Variants in ERBB4 observed in about 807,000 individuals in gnomAD.
ERBB4 encodes erb-b2 receptor tyrosine kinase 4.
ERBB4 carries 42 observed loss-of-function variants against 158.0 expected under a neutral mutation model. That is an observed-to-expected ratio of 0.27 (90% confidence interval 0.21 to 0.34). The LOEUF is 0.34. Among genes scored for constraint, ERBB4 ranks in the 10% least tolerant of loss-of-function variants. The pLI, the probability that ERBB4 is intolerant of heterozygous loss-of-function variation, is 1.00. For missense variants in ERBB4, 1,333 were observed against 1,624.1 expected (o/e 0.82, Z 3.08); for synonymous variants, 583 against 558.7 (o/e 1.04, Z -0.61).
chr2:212,045,127 C>T (rs1217174559), intron 2 of ERBB4, among the ~76,000 whole-genome samples: 1 of 152,150 alleles, frequency 6.6e-6, no homozygotes, highest in Non-Finnish European at 1.5e-5. Context: ...ACCTTTGGGA[C>T]TTGGATTCCC....
At chr2:211,922,261 T>C (rs577484870) in intron 3 of ERBB4, among the ~76,000 whole-genome samples, 1 of 152,216 alleles carries the variant, frequency 6.6e-6, no homozygotes, top group African/African-American at 2.4e-5. Context: ...AGTTACATTA[T>C]AAATGTAAGG....
intron 4 of ERBB4, among the ~76,000 whole-genome samples, chr2:211,764,590 G>T (rs1345107560): frequency 6.6e-6 from 1 of 152,176 alleles, no homozygotes; most frequent in Non-Finnish European, 1.5e-5. Context: ...TGAGGCCAGA[G>T]AAATTTAATA....
chr2:211,578,483 TC>T, intron 19 of ERBB4, among the ~76,000 whole-genome samples: 1 of 151,566 alleles, frequency 6.6e-6, no homozygotes, highest in South Asian at 2.1e-4. Flanking sequence ...CAAAAAAGAG[TC>T]CACATAGCCA....
chr2:212,270,547 T>C (rs929546077), intron 1 of ERBB4, among the ~76,000 whole-genome samples: 2 of 151,796 alleles, frequency 1.3e-5, no homozygotes, highest in Non-Finnish European at 2.9e-5. Context: ...GGAGTCAATA[T>C]TTGAATCTGG....
At chr2:212,198,733 C>CTTTTTTTTTT (rs11448093) in intron 1 of ERBB4, among the ~76,000 whole-genome samples, 22 of 96,406 alleles carry the variant, frequency 2.3e-4, no homozygotes, top group African/African-American at 4.2e-4. Context: ...TCACCACGCC[C>CTTTTTTTTTT]TTTTTTTTTT....
Position 211,467,718 on chromosome 2 carries a change from A to G in ERBB4, c.2488-36618T>C, listed in dbSNP as rs540816948. 8.5e-5 allele frequency among the ~76,000 whole-genome samples: 13 copies of G among 152,302 alleles called. No homozygotes were observed. In the South Asian group the frequency reaches 2.7e-3, roughly 32 times the overall value. On this transcript the variant is annotated intron_variant, in intron 20 of 27. Coordinates refer to ENST00000342788, the MANE Select transcript of ERBB4 (RefSeq NM_005235.3). Reference sequence around the variant, plus strand: ...TTTCTTAGTTTAAGTGACAAACAACAGCAGAGTAAGGCTAGGCCATATGGG... The same window carrying G: ...TTTCTTAGTTTAAGTGACAAACAACGGCAGAGTAAGGCTAGGCCATATGGG...
intron 3 of ERBB4, among the ~76,000 whole-genome samples, chr2:211,814,678 C>T (rs1038298462): frequency 6.6e-6 from 1 of 152,018 alleles, no homozygotes; most frequent in African/African-American, 2.4e-5. Context: ...GTCCTTTGGT[C>T]CTTCTTGAAG....
intron 1 of ERBB4, among the ~76,000 whole-genome samples, chr2:212,159,429 T>G (rs2081139630): frequency 6.6e-6 from 1 of 152,010 alleles, no homozygotes; most frequent in Non-Finnish European, 1.5e-5. Context: ...ACTTCTTAAC[T>G]AAAACAGATT....
At chr2:211,585,576 T>C (rs934495284) in intron 19 of ERBB4, among the ~76,000 whole-genome samples, 2 of 152,110 alleles carry the variant, frequency 1.3e-5, no homozygotes, top group Non-Finnish European at 2.9e-5. Context: ...AAAAATTAAA[T>C]CAGTTTATTA....
chr2:211,707,382 C>T (rs562632806), intron 9 of ERBB4, among the ~76,000 whole-genome samples: 3 of 152,208 alleles, frequency 2.0e-5, no homozygotes, highest in Non-Finnish European at 2.9e-5. Flanking sequence ...TAACTAAATT[C>T]GGAGCCATGC....
intron 1 of ERBB4, among the ~76,000 whole-genome samples, chr2:212,135,860 A>G (rs866096526): frequency 2.6e-5 from 4 of 152,222 alleles, no homozygotes; most frequent in African/African-American, 9.6e-5. Context: ...AGGCTTGCCA[A>G]ATTAGTCATC....
intron 1 of ERBB4, among the ~76,000 whole-genome samples, chr2:212,238,031 C>T (rs1387717862): frequency 6.6e-6 from 1 of 152,226 alleles, no homozygotes; most frequent in Non-Finnish European, 1.5e-5. Context: ...GGGTAGGATC[C>T]GCTGAGCTAG....
chr2:211,882,284 C>T (rs569055265), intron 3 of ERBB4, among the ~76,000 whole-genome samples: 16 of 152,074 alleles, frequency 1.1e-4, no homozygotes, highest in Non-Finnish European at 2.4e-4. Context: ...GTTCCCAGGA[C>T]CCTCGGTTCT....
intron 1 of ERBB4, among the ~76,000 whole-genome samples, chr2:212,373,724 C>CATATATATATCCACATATATATCCAT (rs2090164211): frequency 7.3e-6 from 1 of 136,260 alleles, no homozygotes; most frequent in East Asian, 2.1e-4. Flanking sequence ...CATATATATC[C>CATATATATATCCACATATATATCCAT]ATATATATAT....
At chr2:211,545,924 G>A (rs1574717989) in intron 20 of ERBB4, among the ~76,000 whole-genome samples, 2 of 151,884 alleles carry the variant, frequency 1.3e-5, no homozygotes, top group South Asian at 4.1e-4. Context: ...CTTAGGAAAA[G>A]GCTTCTTCAT....
intron 1 of ERBB4, among the ~76,000 whole-genome samples, chr2:212,259,085 T>A (rs2084843050): frequency 6.6e-6 from 1 of 152,102 alleles, no homozygotes; most frequent in Admixed American, 6.5e-5. Flanking sequence ...ATATCTGAAA[T>A]TTTTTTGACA....
chr2:211,918,461 C>G (rs1190679626), intron 3 of ERBB4, among the ~76,000 whole-genome samples: 1 of 151,990 alleles, frequency 6.6e-6, no homozygotes, highest in Non-Finnish European at 1.5e-5. Context: ...AGACCTTTAC[C>G]TACACTGTGG....
chr2:211,923,413 T>G (rs1254003061), intron 3 of ERBB4, among the ~76,000 whole-genome samples: 9 of 152,128 alleles, frequency 5.9e-5, no homozygotes, highest in African/African-American at 2.2e-4. Context: ...GGGAAAATGA[T>G]GACCAAATGT....
At chr2:211,519,396 T>C (rs2066129650) in intron 20 of ERBB4, among the ~76,000 whole-genome samples, 1 of 152,114 alleles carries the variant, frequency 6.6e-6, no homozygotes, top group Non-Finnish European at 1.5e-5. Flanking sequence ...ATGGCAGACA[T>C]AATTAAAGCC....
Sources: allele counts gnomAD v4.1 joint callset (sites outside exome capture counted in the v4.1 genomes callset), GRCh38; gene constraint gnomAD v4.1.1; transcripts MANE v1.5; gene names NCBI Gene and HGNC (gene_info 2026-07-23, HGNC 2026-07-21).